AACS: variants seen among roughly 807,000 people sequenced by gnomAD.
AACS encodes the protein acetoacetyl-CoA synthetase.
In AACS, 69 loss-of-function variants were observed where a neutral mutation model predicts 83.1. That is an observed-to-expected ratio of 0.83 (90% CI 0.68 to 1.01). The LOEUF is 1.01. AACS is among the 50% of genes least tolerant of loss of function. The probability of loss-of-function intolerance (pLI) is 0.00; values close to 1 mark genes in which losing one functional copy is unlikely to be tolerated. For missense variants in AACS, 866 were observed against 882.2 expected (o/e 0.98, Z 0.23); for synonymous variants, 333 against 343.4 (o/e 0.97, Z 0.33).
chr12:125,093,380 G>GACCCCAGCCTGTCTCACAGCTGC (rs2136078770), intron 5 of AACS, among the ~76,000 whole-genome samples: 2 of 152,348 alleles, frequency 1.3e-5, no homozygotes, highest in African/African-American at 4.8e-5. Context: ...GGCAGGGCTG[G>GACCCCAGCCTGTCTCACAGCTGC]ACCCCAGCCT....
rs564071614 is a variant in AACS at position 125,066,138 on chromosome 12, A to G, written c.133+421A>G. 3.0e-4 allele frequency among the ~76,000 whole-genome samples: 45 copies of G among 152,200 alleles called. No homozygotes were observed. In the South Asian group the frequency reaches 9.3e-3, roughly 32 times the overall value. ...TTGTGGGGGTCCCTTGCCAGTCCCC[A>G]GTGCCGTGCACTCTGTCCCCCTGAC... On this transcript the variant is annotated intron_variant, in intron 1 of 17. Transcript: ENST00000316519.
At position 125,097,848 on chromosome 12, in the gene AACS, C is replaced by A; in HGVS notation, c.571-4831C>A. ...GGCTGTGCGCCACACCCTTTCACTC[C>A]CTTCCCTACCGTTGGCTGTTCTTGC... On this transcript the variant is annotated intron_variant, in intron 5 of 17. Transcript: ENST00000316519. This position sits in a 1 kb window ranked among gnomAD's most constrained non-coding sequence, Gnocchi z 4.3. 6.6e-6 allele frequency among the ~76,000 whole-genome samples: 1 copy of A among 152,134 alleles called. No homozygotes were observed. The highest frequency in any genetic ancestry group is 1.9e-4 in the East Asian group (1 of 5,198).
chr12:125,136,824 G>C lies in AACS; in HGVS notation c.1841G>C (p.Arg614Pro). 6.2e-7 allele frequency: 1 copy of C among 1,613,794 alleles called. No homozygotes were observed. The highest frequency in any genetic ancestry group is 2.2e-5 in the East Asian group (1 of 44,860). Residue 614 changes from arginine to proline, a missense_variant, in exon 17 of 18, where the codon CGA becomes CCA. By Grantham distance (103) the Arg-to-Pro change is moderately radical. Coordinates refer to ENST00000316519, the MANE Select transcript of AACS (RefSeq NM_023928.5). ...GCCATCCGCATGGGCTTGTCTGCGC[G>C]ACACGTGCCCAGCCTCATCCTGGAA... ...RDAIRMGLSA[R>P]HVPSLILETK...
rs778996743 is a variant in AACS, at chr12:125,136,793, C to T, written c.1810C>T (p.Arg604Cys). The T allele has an allele frequency of 1.3e-5, 21 of 1,613,930 alleles. No homozygotes were observed. The highest frequency in any genetic ancestry group is 7.7e-5 in the South Asian group (7 of 91,092). Residue 604 changes from arginine (R) to cysteine (C), a missense_variant, in exon 17 of 18, where the codon CGT becomes TGT. Physicochemically the swap from Arg to Cys is radical, Grantham distance 180. Coordinates refer to ENST00000316519, the MANE Select transcript of AACS (RefSeq NM_023928.5). ...CCAGCCTGACTTGGTTAAGAGGATC[C>T]GTGACGCCATCCGCATGGGCTTGTC... ...AFQPDLVKRIRDAIRMGLSAR... is the reference protein window; with the variant it reads ...AFQPDLVKRICDAIRMGLSAR...
intron 1 of AACS, 102 bp from the exon 2 acceptor site, chr12:125,073,774 T>C: frequency 1.1e-6 from 1 of 877,412 alleles, no homozygotes; most frequent in Non-Finnish European, 1.8e-6. Flanking sequence ...CAGATGAATT[T>C]GGCTCGCTTG....
chr12:125,134,713 G>GT (rs1296114848), intron 15 of AACS, 81 bp from the exon 16 acceptor site: 2 of 1,510,014 alleles, frequency 1.3e-6, no homozygotes, highest in African/African-American at 2.7e-5. Context: ...AAAGTGGGGG[G>GT]TGACTGCCCT....
At chr12:125,104,149 G>T (rs538634432) in intron 7 of AACS, among the ~76,000 whole-genome samples, 2 of 152,214 alleles carry the variant, frequency 1.3e-5, no homozygotes, top group South Asian at 4.2e-4. Flanking sequence ...TGGGGAGAGG[G>T]TTCTGAGCTC....
Position 125,065,687 on chromosome 12 carries a change from G to T in AACS, c.103G>T (p.Ala35Ser), listed in dbSNP as rs1291276867. ...KNTQMDRFRA[A>S]VGAACGLALE... is the part of the protein sequence containing the mutation. ...CACGCAGATGGACCGCTTCCGGGCG[G>T]CTGTGGGCGCCGCCTGCGGCCTGGC... The change falls in exon 1 of 18, where the codon GCT becomes TCT. Residue 35 changes from alanine to serine, a missense_variant. By Grantham distance (99) the Ala-to-Ser change is moderately conservative. Transcript: ENST00000316519. The T allele has an allele frequency of 6.5e-7, 1 of 1,542,860 alleles. No individual in the cohort carries two copies. Among genetic ancestry groups the T allele is most frequent in the South Asian group, 1.2e-5 (1 of 83,194 alleles).
chr12:125,136,420 A>G (rs1957401122), intron 16 of AACS, among the ~76,000 whole-genome samples: 1 of 152,036 alleles, frequency 6.6e-6, no homozygotes, highest in African/African-American at 2.4e-5. Flanking sequence ...AACATCACCC[A>G]TCCTGCCAAA....
chr12:125,139,193 GC>G (rs1957442426), intron 17 of AACS: 1 of 152,250 alleles, frequency 6.6e-6, no homozygotes, highest in African/African-American at 2.4e-5. Flanking sequence ...CCCAGAGCCA[GC>G]CACACTCCTT....
At chr12:125,128,074 T>TAAGA in intron 12 of AACS, 87 bp from the exon 13 acceptor site, 1 of 945,398 alleles carries the variant, frequency 1.1e-6, no homozygotes, top group Non-Finnish European at 1.6e-6. Context: ...TTTGTCCTCT[T>TAAGA]GGCACCTTCT....
At chr12:125,118,441 C>T (rs1957095608) in intron 9 of AACS, 200 bp from the exon 10 acceptor site, 1 of 626,914 alleles carries the variant, frequency 1.6e-6, no homozygotes, top group African/African-American at 1.8e-5. Context: ...CATCTTCATG[C>T]ACATGTGTGA....
intron 14 of AACS, among the ~76,000 whole-genome samples, chr12:125,132,003 G>A (rs151181973): frequency 1.3e-5 from 2 of 152,312 alleles, no homozygotes; most frequent in Non-Finnish European, 2.9e-5. Flanking sequence ...GTCTGCTATC[G>A]GCAGTCACCT....
intron 4 of AACS, among the ~76,000 whole-genome samples, chr12:125,088,503 G>T (rs550116030): frequency 8.5e-5 from 13 of 152,260 alleles, no homozygotes; most frequent in Non-Finnish European, 1.6e-4. Flanking sequence ...AAAGTGTTGG[G>T]ATTACAGGCA....
chr12:125,132,865 T>G (rs1266291178), intron 14 of AACS, among the ~76,000 whole-genome samples: 1 of 152,158 alleles, frequency 6.6e-6, no homozygotes, highest in Non-Finnish European at 1.5e-5. Context: ...GTGAGTAGAC[T>G]AGGTAGCTGT....
At chr12:125,109,286 T>C (rs1956900188) in intron 8 of AACS, among the ~76,000 whole-genome samples, 2 of 152,032 alleles carry the variant, frequency 1.3e-5, no homozygotes, top group Admixed American at 1.3e-4. Context: ...CACGTGCTAC[T>C]TTTTTGTTTT....
chr12:125,065,455 C>A lies in AACS; in HGVS notation c.-130C>A. 1.9e-6 allele frequency: 2 copies of A among 1,044,646 alleles called. No homozygotes were observed. The highest frequency in any genetic ancestry group is 3.3e-5 in the East Asian group (1 of 30,142). The allele number at this position is 1,044,646 out of a possible 1,614,324, so 64.7% of individuals were successfully genotyped here. ...CGTTCAGTCCCTTGTTCCCCGCCGCCGCCGTCGCTGACCCAGCCCGCCAGG... is the reference window on the plus strand; with the variant it reads ...CGTTCAGTCCCTTGTTCCCCGCCGCAGCCGTCGCTGACCCAGCCCGCCAGG... On this transcript the variant is annotated 5_prime_UTR_variant, in exon 1 of 18. Transcript: ENST00000316519.
chr12:125,118,860 G>A, intron 10 of AACS, 95 bp downstream of exon 10: 1 of 1,508,530 alleles, frequency 6.6e-7, no homozygotes, highest in Non-Finnish European at 8.9e-7. Context: ...CTTCTACCGT[G>A]GTCGGGGCGT....
chr12:125,125,311 A>G (rs951090156), intron 12 of AACS, among the ~76,000 whole-genome samples: 20 of 152,322 alleles, frequency 1.3e-4, no homozygotes, highest in African/African-American at 4.6e-4. Context: ...TAGGTTCTAC[A>G]TTTTTTATCT....
Sources: gnomAD v4.1 joint callset for allele counts (sites outside exome capture counted in the v4.1 genomes callset) on GRCh38, gnomAD v4.1.1 for gene constraint, Gnocchi (gnomAD v3.1) non-coding constraint, MANE v1.5 for transcripts, NCBI Gene and HGNC (gene_info 2026-07-23, HGNC 2026-07-21) for gene names.